USP54: variants seen among roughly 807,000 people sequenced by gnomAD.
The protein encoded by USP54 is ubiquitin carboxyl-terminal hydrolase 54.
In USP54, 87 loss-of-function variants were observed where a neutral mutation model predicts 170.5. The ratio of observed to expected loss-of-function variants is 0.51; its 90% CI spans 0.43 to 0.61. The LOEUF (loss-of-function observed/expected upper bound fraction) is 0.61, where lower values mean the gene tolerates loss of function less well. Among genes scored for constraint, USP54 ranks in the 20% least tolerant of loss-of-function variants. The probability of loss-of-function intolerance (pLI) is 0.00; values close to 1 mark genes in which losing one functional copy is unlikely to be tolerated. For missense variants in USP54, 1,786 were observed against 2,047.8 expected (o/e 0.87, Z 2.47); for synonymous variants, 655 against 742.8 (o/e 0.88, Z 1.92).
At chr10:73,564,820 T>C (rs1191120564) in intron 4 of USP54, among the ~76,000 whole-genome samples, 1 of 148,406 alleles carries the variant, frequency 6.7e-6, no homozygotes, top group East Asian at 2.0e-4. Context: ...GCCAGCACCT[T>C]GAGAGGCCAA....
intron 20 of USP54, among the ~76,000 whole-genome samples, chr10:73,508,301 G>A (rs1036914775): frequency 3.3e-5 from 5 of 151,948 alleles, no homozygotes; most frequent in East Asian, 1.9e-4. Flanking sequence ...CAGCTACTCG[G>A]GAGGCTGAGG....
chr10:73,526,334 G>A lies in USP54; in HGVS notation c.2194+313C>T, dbSNP rs113099171. Among the ~76,000 whole-genome samples the A allele has an allele frequency of 1.8e-4, 28 of 152,024 alleles. 1 individual carries two copies. The highest frequency in any genetic ancestry group is 4.6e-4 in the African/African-American group (19 of 41,474). On this transcript the variant is annotated intron_variant, in intron 16 of 23. Coordinates refer to ENST00000687698, the MANE Select transcript of USP54 (RefSeq NM_001391956.1). ...ACGATCTTGGCTCACTGCAACCTCCGCCTCCCAGGTTCAAGCAATTCTCCT... is the reference window on the plus strand; with the variant it reads ...ACGATCTTGGCTCACTGCAACCTCCACCTCCCAGGTTCAAGCAATTCTCCT...
intron 20 of USP54, among the ~76,000 whole-genome samples, chr10:73,507,669 C>CAA (rs913305815): frequency 0.036 from 813 of 22,438 alleles, 148 homozygotes; most frequent in African/African-American, 0.12. Flanking sequence ...GACTCCGTCG[C>CAA]AAAAAAAAAA....
chr10:73,567,158 C>T (rs1409188359), intron 4 of USP54, among the ~76,000 whole-genome samples: 9 of 151,876 alleles, frequency 5.9e-5, no homozygotes, highest in African/African-American at 1.9e-4. Flanking sequence ...AGATTACAGG[C>T]GTGAGCCACC....
At chr10:73,613,243 T>G (rs1350803343) in intron 1 of USP54, among the ~76,000 whole-genome samples, 3 of 149,592 alleles carry the variant, frequency 2.0e-5, no homozygotes, top group Non-Finnish European at 3.0e-5. Context: ...CAAGCAATCC[T>G]GCCTCAGCAT....
At position 73,543,097 on chromosome 10, in the gene USP54, G is replaced by A; in HGVS notation, c.410C>T (p.Ala137Val). Reference protein sequence around the residue: ...NLLMRIHFHIADETKEDICTA... With the variant: ...NLLMRIHFHIVDETKEDICTA... ...ACATATATCCTCTTTGGTTTCATCAGCAATGTGGAAGTGAATTCTCATCAG... is the reference window on the plus strand; with the variant it reads ...ACATATATCCTCTTTGGTTTCATCAACAATGTGGAAGTGAATTCTCATCAG... The change falls in exon 6 of 24, where the codon GCT (alanine) becomes GTT (valine). Residue 137 changes from alanine (A) to valine (V), a missense_variant. Physicochemically the swap from Ala to Val is moderately conservative, Grantham distance 64. Around this residue, in one of 3 missense-constraint regions of USP54, gnomAD observed 361 missense variants for 455.0 expected, o/e 0.79. Transcript: ENST00000687698. 1 of 1,614,090 alleles carries A rather than the reference G, an allele frequency of 6.2e-7. No homozygotes were observed. Among genetic ancestry groups the A allele is most frequent in the Non-Finnish European group, 8.5e-7 (1 of 1,179,960 alleles).
At chr10:73,568,466 T>C (rs541018105) in intron 4 of USP54, among the ~76,000 whole-genome samples, 1 of 152,180 alleles carries the variant, frequency 6.6e-6, no homozygotes, top group African/African-American at 2.4e-5. Flanking sequence ...TACAAGTCTA[T>C]AATTTTCAAA....
intron 4 of USP54, among the ~76,000 whole-genome samples, chr10:73,562,715 A>G (rs1396054903): frequency 6.6e-6 from 1 of 152,158 alleles, no homozygotes; most frequent in African/African-American, 2.4e-5. Context: ...TGTTATTTCC[A>G]TTTTTCTACA....
chr10:73,555,061 C>A (rs1012153374), intron 4 of USP54, among the ~76,000 whole-genome samples: 2 of 152,188 alleles, frequency 1.3e-5, no homozygotes, highest in Admixed American at 6.5e-5. Context: ...TATAATTGCA[C>A]CACTGCACTT....
At chr10:73,504,783 C>A in intron 22 of USP54, 67 bp downstream of exon 22, 3 of 1,605,608 alleles carry the variant, frequency 1.9e-6, no homozygotes, top group South Asian at 1.1e-5. Flanking sequence ...TGCTTCTTCA[C>A]CTGCACTGTA....
At chr10:73,571,629 G>A (rs1321053602) in intron 3 of USP54, 116 bp from the exon 4 acceptor site, 13 of 705,088 alleles carry the variant, frequency 1.8e-5, no homozygotes, top group South Asian at 4.5e-5. Flanking sequence ...ATTCCCAAAA[G>A]AAAACTTCAT....
intron 4 of USP54, among the ~76,000 whole-genome samples, chr10:73,567,888 T>C (rs549619994): frequency 2.6e-5 from 4 of 152,166 alleles, no homozygotes; most frequent in Non-Finnish European, 1.5e-5. Flanking sequence ...CAGTGATGAA[T>C]TGTATTATTT....
At chr10:73,584,755 G>A (rs561261274) in intron 1 of USP54, among the ~76,000 whole-genome samples, 25 of 152,046 alleles carry the variant, frequency 1.6e-4, no homozygotes, top group Non-Finnish European at 2.6e-4. Flanking sequence ...AAGGACTTGA[G>A]ACCAGAGATA....
intron 4 of USP54, among the ~76,000 whole-genome samples, chr10:73,556,505 C>G (rs1458060015): frequency 6.6e-6 from 1 of 151,944 alleles, no homozygotes; most frequent in Non-Finnish European, 1.5e-5. Flanking sequence ...GCCACCACGC[C>G]CGGCTAATTT....
intron 1 of USP54, among the ~76,000 whole-genome samples, chr10:73,624,196 G>T (rs556862051): frequency 0.072 from 4,039 of 56,326 alleles, 156 homozygotes; most frequent in South Asian, 0.2. Context: ...ATATATATAT[G>T]TATTTTTTTT....
rs192549423 is a variant in USP54 at position 73,504,779 on chromosome 10, T to A, written c.4311+71A>T. ...ACAACCTTCACTTTCTCCCTGCTTC[T>A]TCACCTGCACTGTATTTTTGCTTAG... is the stretch of plus-strand genomic sequence containing the variant. On this transcript the variant is annotated intron_variant, in intron 22 of 23. Coordinates refer to ENST00000687698, the MANE Select transcript of USP54 (RefSeq NM_001391956.1). 3.7e-3 allele frequency: 5,924 copies of A among 1,601,012 alleles called. 16 individuals carry two copies. Among genetic ancestry groups the A allele is most frequent in the Non-Finnish European group, 4.5e-3 (5,293 of 1,170,116 alleles).
intron 3 of USP54, among the ~76,000 whole-genome samples, chr10:73,573,311 T>G (rs538288668): frequency 6.6e-5 from 10 of 151,542 alleles, no homozygotes; most frequent in Non-Finnish European, 1.3e-4. Flanking sequence ...GAGAAAGAAA[T>G]AAAGAAAGAA....
chr10:73,531,753 T>C (rs183863419), intron 12 of USP54, among the ~76,000 whole-genome samples: 45 of 152,344 alleles, frequency 3.0e-4, no homozygotes, highest in African/African-American at 1.1e-3. Flanking sequence ...TCATAGTTCC[T>C]TAATACTAAT....
upstream of USP54, chr10:73,591,607 G>A (rs535459250): frequency 3.9e-5 from 6 of 152,244 alleles, no homozygotes; most frequent in African/African-American, 1.2e-4. Flanking sequence ...AACTTGAAAG[G>A]ACGTTATCAC....
Sources: allele counts gnomAD v4.1 joint callset (sites outside exome capture counted in the v4.1 genomes callset), GRCh38; gene constraint gnomAD v4.1.1; regional missense constraint gnomAD v4.1.1; transcripts MANE v1.5; gene names NCBI Gene and HGNC (gene_info 2026-07-23, HGNC 2026-07-21).